The following STK33 variants were observed in gnomAD, a reference collection of about 807,000 sequenced individuals.
STK33 encodes the protein serine/threonine-protein kinase 33.
A neutral mutation model predicts 58.0 loss-of-function variants in STK33; 52 were observed. The ratio of observed to expected loss-of-function variants is 0.90; its 90% CI spans 0.72 to 1.13. The LOEUF (loss-of-function observed/expected upper bound fraction) is 1.13, where lower values mean the gene tolerates loss of function less well. Ranked by LOEUF, STK33 falls within the 50% of genes most tolerant of loss-of-function variation. The probability of loss-of-function intolerance (pLI) is 0.00; values close to 1 mark genes in which losing one functional copy is unlikely to be tolerated. For synonymous variants in STK33, 215 were observed against 200.1 expected (o/e 1.07, Z -0.63); for missense variants, 630 against 604.2 (o/e 1.04, Z -0.45).
At position 8,588,951 on chromosome 11, in the gene STK33, A is replaced by G. The variant is rs139977233; in HGVS notation, c.-466+5132T>C. 4.2e-3 allele frequency among the ~76,000 whole-genome samples: 647 copies of G among 152,316 alleles called. 3 individuals carry two copies. Among genetic ancestry groups the G allele is most frequent in the African/African-American group, 0.015 (629 of 41,576 alleles). ...CACCATTAGTTATCAGGAAAATGTA[A>G]ATCAAAACCATAATGAGATACCACT... On this transcript the variant is annotated intron_variant, in intron 1 of 15. Transcript: ENST00000687296.
chr11:8,398,336 C>T (rs1460340556), intron 15 of STK33, among the ~76,000 whole-genome samples: 1 of 152,274 alleles, frequency 6.6e-6, no homozygotes, highest in East Asian at 1.9e-4. Context: ...AATTTTCAAC[C>T]CACAATTTCA....
chr11:8,424,091 A>G (rs934255280), intron 14 of STK33, among the ~76,000 whole-genome samples: 2 of 151,180 alleles, frequency 1.3e-5, no homozygotes, highest in African/African-American at 2.4e-5. Context: ...GCACCCATTA[A>G]CTCATCATTT....
chr11:8,561,101 T>G (rs1957083289), intron 1 of STK33, among the ~76,000 whole-genome samples: 1 of 152,212 alleles, frequency 6.6e-6, no homozygotes, highest in Admixed American at 6.5e-5. Flanking sequence ...ATTCAGACTT[T>G]ACTTGGTCTA....
intron 4 of STK33, chr11:8,475,461 G>A (rs985461095): frequency 6.6e-6 from 1 of 152,008 alleles, no homozygotes; most frequent in Admixed American, 6.6e-5. Context: ...TTAAAATATT[G>A]GTGTTAAACA....
intron 15 of STK33, among the ~76,000 whole-genome samples, chr11:8,396,095 T>C (rs910692094): frequency 6.6e-6 from 1 of 152,212 alleles, no homozygotes; most frequent in African/African-American, 2.4e-5. Flanking sequence ...CTTACCTTTC[T>C]TTATGCAAAT....
chr11:8,431,245 A>C (rs1261548288), intron 14 of STK33, among the ~76,000 whole-genome samples: 2 of 152,240 alleles, frequency 1.3e-5, no homozygotes, highest in African/African-American at 4.8e-5. Flanking sequence ...AGAATGTATG[A>C]ATAACTACAT....
chr11:8,428,681 T>C (rs769982217), intron 14 of STK33, among the ~76,000 whole-genome samples: 42 of 151,090 alleles, frequency 2.8e-4, no homozygotes, highest in East Asian at 6.3e-4. Flanking sequence ...TCAGTGTCTA[T>C]TAAAACTAAA....
intron 1 of STK33, among the ~76,000 whole-genome samples, chr11:8,559,707 A>G (rs1956993174): frequency 6.6e-6 from 1 of 152,198 alleles, no homozygotes; most frequent in African/African-American, 2.4e-5. Context: ...AAATCAGAAA[A>G]TAATTGCTGT....
the STK33 span, among the ~76,000 whole-genome samples, chr11:8,368,541 A>G: frequency 6.6e-6 from 1 of 152,214 alleles, no homozygotes; most frequent in Non-Finnish European, 1.5e-5. Flanking sequence ...CTTCTTAATT[A>G]ATAGAAAGCC....
At chr11:8,515,536 A>G (rs1952698930) in intron 1 of STK33, among the ~76,000 whole-genome samples, 3 of 152,212 alleles carry the variant, frequency 2.0e-5, no homozygotes, top group Admixed American at 2.0e-4. Context: ...ACGAAAAAGG[A>G]AAACTACATG....
chr11:8,396,387 G>A (rs1249858088), intron 15 of STK33, among the ~76,000 whole-genome samples: 1 of 152,158 alleles, frequency 6.6e-6, no homozygotes, highest in African/African-American at 2.4e-5. Context: ...TATGTGTATG[G>A]GTACCTTACC....
intron 6 of STK33, among the ~76,000 whole-genome samples, chr11:8,470,354 C>T (rs1948659851): frequency 6.6e-6 from 1 of 152,188 alleles, no homozygotes; most frequent in Admixed American, 6.5e-5. Context: ...CACTTCTCTC[C>T]CCTTCACAAA....
chr11:8,407,720 T>C (rs953762484), intron 15 of STK33, among the ~76,000 whole-genome samples: 6 of 151,876 alleles, frequency 4.0e-5, no homozygotes, highest in African/African-American at 1.2e-4. Flanking sequence ...CAGGAACCTA[T>C]AGAACGATAT....
At chr11:8,571,604 C>T (rs868429901) in intron 1 of STK33, among the ~76,000 whole-genome samples, 1 of 151,974 alleles carries the variant, frequency 6.6e-6, no homozygotes, top group South Asian at 2.1e-4. Context: ...GAGGCTGAGG[C>T]GGGTGGATCA....
chr11:8,426,844 CTT>C (rs1298743056), intron 14 of STK33, among the ~76,000 whole-genome samples: 1 of 152,050 alleles, frequency 6.6e-6, no homozygotes, highest in Non-Finnish European at 1.5e-5. Context: ...TTCTCCCACT[CTT>C]TATATGTTTT....
intron 14 of STK33, among the ~76,000 whole-genome samples, chr11:8,428,378 T>C (rs2136091062): frequency 6.6e-6 from 1 of 152,338 alleles, no homozygotes; most frequent in East Asian, 1.9e-4. Flanking sequence ...TCTATTTTAA[T>C]TCCCTGCCTT....
chr11:8,550,818 T>C (rs1377075020), intron 1 of STK33, among the ~76,000 whole-genome samples: 1 of 152,206 alleles, frequency 6.6e-6, no homozygotes, highest in Non-Finnish European at 1.5e-5. Flanking sequence ...CTTTCCCACA[T>C]TTCCTGTCTT....
At chr11:8,586,124 G>A (rs1489268481) in intron 1 of STK33, among the ~76,000 whole-genome samples, 2 of 151,872 alleles carry the variant, frequency 1.3e-5, no homozygotes, top group African/African-American at 4.8e-5. Flanking sequence ...GGCTGAGATG[G>A]GAGGATGGCT....
chr11:8,380,587 T>C, the STK33 span, among the ~76,000 whole-genome samples: 470 of 150,926 alleles, frequency 3.1e-3, 4 homozygotes, highest in African/African-American at 0.011. Context: ...ATGGCTGTTA[T>C]TAAAAAGTCA....
Sources: allele counts gnomAD v4.1 joint callset (sites outside exome capture counted in the v4.1 genomes callset), GRCh38; gene constraint gnomAD v4.1.1; transcripts MANE v1.5; gene names NCBI Gene and HGNC (gene_info 2026-07-23, HGNC 2026-07-21).